The following SLC22A8 variants were observed in gnomAD, a reference collection of about 807,000 sequenced individuals.
SLC22A8 encodes solute carrier family 22 member 8.
SLC22A8 carries 40 observed loss-of-function variants against 48.4 expected under a neutral mutation model. The observed-to-expected ratio is 0.83, with a 90% confidence interval of 0.64 to 1.08. SLC22A8 has a LOEUF of 1.08. Ranked by LOEUF, SLC22A8 falls within the 50% of genes least tolerant of loss-of-function variation. The pLI is 0.00. For missense variants in SLC22A8, 606 were observed against 699.0 expected (o/e 0.87, Z 1.50); for synonymous variants, 268 against 286.3 (o/e 0.94, Z 0.65).
At chr11:63,006,087 T>C (rs1427518148) in intron 2 of SLC22A8, among the ~76,000 whole-genome samples, 1 of 152,056 alleles carries the variant, frequency 6.6e-6, no homozygotes, top group Admixed American at 6.6e-5. Context: ...AATTTTGGCA[T>C]GCTTTCTGTG....
Position 62,993,635 on chromosome 11 carries a change from G to A in SLC22A8, c.1326-8C>T. 1 of 1,604,946 alleles carries A rather than the reference G, an allele frequency of 6.2e-7. No individual in the cohort carries two copies. Among genetic ancestry groups the A allele is most frequent in the South Asian group, 1.1e-5 (1 of 90,176 alleles). ...ACGCCCATACCTGTTTGCCTGCGAGGGTTCAGAGTAGGGATTGGTAGCCTG... is the reference window on the plus strand; with the variant it reads ...ACGCCCATACCTGTTTGCCTGCGAGAGTTCAGAGTAGGGATTGGTAGCCTG... On this transcript the variant is annotated splice_region_variant and splice_polypyrimidine_tract_variant and intron_variant, in intron 9 of 10. Coordinates refer to ENST00000336232, the MANE Select transcript of SLC22A8 (RefSeq NM_004254.4).
At position 62,993,223 on chromosome 11, in the gene SLC22A8, G is replaced by A. The variant is rs757171565; in HGVS notation, c.*14C>T. The A allele has an allele frequency of 2.5e-6, 4 of 1,602,484 alleles. No individual in the cohort carries two copies. The highest frequency in any genetic ancestry group is 1.3e-5 in the African/African-American group (1 of 74,674). On this transcript the variant is annotated 3_prime_UTR_variant, in exon 11 of 11. Coordinates refer to ENST00000336232, the MANE Select transcript of SLC22A8 (RefSeq NM_004254.4). ...TCAGTCTCTGGAGGGCAGGGAAAGGGGGTTCCGTTGTCCTCAGCTGGAGCC... is the reference window on the plus strand; with the variant it reads ...TCAGTCTCTGGAGGGCAGGGAAAGGAGGTTCCGTTGTCCTCAGCTGGAGCC...
intron 5 of SLC22A8, among the ~76,000 whole-genome samples, chr11:62,997,980 T>A (rs556206103): frequency 6.6e-6 from 1 of 152,220 alleles, no homozygotes; most frequent in African/African-American, 2.4e-5. Flanking sequence ...AGACGAAGTT[T>A]TGCTTTTGTT....
intron 2 of SLC22A8, among the ~76,000 whole-genome samples, chr11:63,012,136 T>C (rs1296237704): frequency 6.6e-6 from 1 of 152,014 alleles, no homozygotes; most frequent in Non-Finnish European, 1.5e-5. Context: ...ACTACAGGTG[T>C]GCACCACCAC....
intron 2 of SLC22A8, among the ~76,000 whole-genome samples, chr11:63,012,466 C>T (rs1213398039): frequency 6.6e-6 from 1 of 152,168 alleles, no homozygotes; most frequent in East Asian, 1.9e-4. Context: ...CCTTCTCCCC[C>T]ACCATCCTTC....
chr11:63,000,946 C>T, intron 2 of SLC22A8, 123 bp from the exon 3 acceptor site: 1 of 713,858 alleles, frequency 1.4e-6, no homozygotes, highest in East Asian at 2.7e-5. Flanking sequence ...CCCTACCTCC[C>T]AAGGACCGTT....
chr11:62,997,174 A>G (rs2081010276), intron 5 of SLC22A8, among the ~76,000 whole-genome samples: 1 of 152,100 alleles, frequency 6.6e-6, no homozygotes, highest in African/African-American at 2.4e-5. Flanking sequence ...GGCCCATGAA[A>G]CTCTGGGTGA....
intron 2 of SLC22A8, among the ~76,000 whole-genome samples, chr11:63,014,389 C>T (rs1261160540): frequency 4.6e-5 from 7 of 152,162 alleles, no homozygotes; most frequent in Non-Finnish European, 1.0e-4. Context: ...GCTCTGTGCC[C>T]GTCACAGAAC....
chr11:62,992,897 C>A lies in SLC22A8; in HGVS notation c.*340G>T. On this transcript the variant is annotated 3_prime_UTR_variant, in exon 11 of 11. Coordinates refer to ENST00000336232, the MANE Select transcript of SLC22A8 (RefSeq NM_004254.4). ...GGGAGGCAAGAAGGGGAGGACTTCT[C>A]ATCTTGTTAAGACTCAGTCTTGTTA... The A allele has an allele frequency of 3.2e-6, 1 of 315,398 alleles. No individual in the cohort carries two copies. Among genetic ancestry groups the A allele is most frequent in the Non-Finnish European group, 5.8e-6 (1 of 171,764 alleles). 19.5% of individuals were successfully genotyped at this position (315,398 alleles called of 1,614,324 possible).
chr11:63,003,944 GC>G (rs2086526779), intron 2 of SLC22A8, among the ~76,000 whole-genome samples: 1 of 152,176 alleles, frequency 6.6e-6, no homozygotes, highest in Non-Finnish European at 1.5e-5. Flanking sequence ...TATTTTTCGA[GC>G]CATGAATTAT....
intron 2 of SLC22A8, among the ~76,000 whole-genome samples, chr11:63,013,890 C>G (rs762467692): frequency 6.6e-6 from 1 of 152,132 alleles, no homozygotes; most frequent in Non-Finnish European, 1.5e-5. Flanking sequence ...CCTGTCAGTT[C>G]ATTGAAGAGT....
intron 7 of SLC22A8, 101 bp from the exon 8 acceptor site, chr11:62,994,857 G>C (rs2086396216): frequency 2.3e-6 from 2 of 865,240 alleles, no homozygotes; most frequent in Non-Finnish European, 3.9e-6. Context: ...TTCACTTCTT[G>C]TGCCAACTGC....
In SLC22A8 at chr11:62,994,971, A is replaced by T. The variant is rs1190830616; in HGVS notation, c.1002-215T>A. 5.0e-6 allele frequency: 3 copies of T among 600,188 alleles called. No homozygotes were observed. The Admixed American group carries it at 7.8e-5, about 16-fold the overall frequency. The allele number at this position is 600,188 out of a possible 1,614,324, so 37.2% of individuals were successfully genotyped here. On this transcript the variant is annotated intron_variant, in intron 7 of 10. Coordinates refer to ENST00000336232, the MANE Select transcript of SLC22A8 (RefSeq NM_004254.4). ...TTGACTGGTCATGTCTGACGTGGGC[A>T]TGGTCCAGGGTGTGGTGGCAAAGGT...
chr11:62,998,869 G>A (rs1276434745), intron 5 of SLC22A8, 52 bp downstream of exon 5: 22 of 1,531,950 alleles, frequency 1.4e-5, no homozygotes, highest in Non-Finnish European at 1.6e-5. Flanking sequence ...GGGCTCCCCT[G>A]TTTGGCCCTG....
At position 63,014,671 on chromosome 11, in the gene SLC22A8, C is replaced by G. The variant is rs1421591002; in HGVS notation, c.288G>C (p.Leu96=). 6.2e-7 allele frequency: 1 copy of G among 1,611,188 alleles called. No individual in the cohort carries two copies. Among genetic ancestry groups the G allele is most frequent in the Non-Finnish European group, 8.5e-7 (1 of 1,177,808 alleles). Residue 96 remains leucine (L), a synonymous_variant, in exon 2 of 11, where the codon CTG becomes CTC. Transcript: ENST00000336232. ...NDTQRAMEPC[L]DGWVYNSTKD... ...TGGTGCTGTTGTAGACCCAGCCATC[C>G]AGGCATGGCTCCATGGCCCTCTGGG...
In SLC22A8 at chr11:63,011,673, G is replaced by C. The variant is rs146470412; in HGVS notation, c.333+2953C>G. Among the ~76,000 whole-genome samples the C allele has an allele frequency of 1.9e-3, 285 of 152,200 alleles. 1 individual carries two copies. Among genetic ancestry groups the C allele is most frequent in the African/African-American group, 6.4e-3 (267 of 41,502 alleles). On this transcript the variant is annotated intron_variant, in intron 2 of 10. Coordinates refer to ENST00000336232, the MANE Select transcript of SLC22A8 (RefSeq NM_004254.4). ...ACTGTCCCTTCTATCTGTCGTCTTT[G>C]TCCTGGATCCCTGTGCAGCTTGCTA...
chr11:62,993,949 T>C, intron 8 of SLC22A8, 71 bp from the exon 9 acceptor site: 1 of 939,630 alleles, frequency 1.1e-6, no homozygotes, highest in South Asian at 1.3e-5. Context: ...CCTTAGCTGA[T>C]CTTGTCTCCC....
At chr11:63,011,984 CTTTTTCTTTTTT>C (rs2135146297) in intron 2 of SLC22A8, among the ~76,000 whole-genome samples, 1 of 150,878 alleles carries the variant, frequency 6.6e-6, no homozygotes, top group South Asian at 2.1e-4. Context: ...TTTTTGCTCT[CTTTTTCTTTTTT>C]TTTTTTTTTG....
intron 6 of SLC22A8, 21 bp from the exon 7 acceptor site, chr11:62,995,840 G>A (rs772293961): frequency 7.6e-6 from 12 of 1,586,482 alleles, no homozygotes. Context: ...AGGAGGGGGA[G>A]GGGTGCCATT....
Sources: gnomAD v4.1 joint callset for allele counts (sites outside exome capture counted in the v4.1 genomes callset) on GRCh38, gnomAD v4.1.1 for gene constraint, MANE v1.5 for transcripts, NCBI Gene and HGNC (gene_info 2026-07-23, HGNC 2026-07-21) for gene names.